The following NELL1 variants were observed in gnomAD, a reference collection of about 807,000 sequenced individuals.
NELL1 encodes protein kinase C-binding protein NELL1.
In NELL1, 76 loss-of-function variants were observed where a neutral mutation model predicts 107.4. That is an observed-to-expected ratio of 0.71 (90% CI 0.59 to 0.86). The LOEUF is 0.86. Ranked by LOEUF, NELL1 falls within the 40% of genes least tolerant of loss-of-function variation. The pLI is 0.00. For missense variants in NELL1, 1,024 were observed against 1,005.5 expected (o/e 1.02, Z -0.25); for synonymous variants, 353 against 341.2 (o/e 1.03, Z -0.38).
chr11:21,149,697 ACGTG>A (rs1156614749), intron 13 of NELL1, among the ~76,000 whole-genome samples: 1 of 152,208 alleles, frequency 6.6e-6, no homozygotes, highest in African/African-American at 2.4e-5. Context: ...TTTACTGAAT[ACGTG>A]CTGTATACCA....
intron 15 of NELL1, among the ~76,000 whole-genome samples, chr11:21,431,786 T>C (rs984488154): frequency 2.6e-5 from 4 of 152,162 alleles, no homozygotes; most frequent in Non-Finnish European, 4.4e-5. Flanking sequence ...AACCTGCTTC[T>C]ACGCTTTTTT....
intron 2 of NELL1, among the ~76,000 whole-genome samples, chr11:20,741,773 T>C (rs1364947001): frequency 6.6e-6 from 1 of 152,230 alleles, no homozygotes; most frequent in Non-Finnish European, 1.5e-5. Context: ...TGGGACCGTG[T>C]TTCCACAGAG....
At chr11:20,788,551 G>A (rs1010463113) in intron 3 of NELL1, among the ~76,000 whole-genome samples, 1 of 151,738 alleles carries the variant, frequency 6.6e-6, no homozygotes, top group Non-Finnish European at 1.5e-5. Flanking sequence ...TGGATTCTTT[G>A]TCTTTCTATC....
intron 2 of NELL1, among the ~76,000 whole-genome samples, chr11:20,727,634 C>A (rs1181331471): frequency 6.6e-6 from 1 of 152,104 alleles, no homozygotes; most frequent in Non-Finnish European, 1.5e-5. Context: ...GCTTTTGTTG[C>A]CATTGCTTTT....
chr11:20,933,390 G>C (rs1307689371), intron 9 of NELL1, among the ~76,000 whole-genome samples: 3 of 152,212 alleles, frequency 2.0e-5, no homozygotes, highest in Admixed American at 2.0e-4. Flanking sequence ...CTCACGGTGT[G>C]ATTAACAGAA....
chr11:20,694,652 G>A (rs1854567035), intron 2 of NELL1, among the ~76,000 whole-genome samples: 1 of 152,056 alleles, frequency 6.6e-6, no homozygotes, highest in Non-Finnish European at 1.5e-5. Context: ...ATACCATGCT[G>A]TTTACTGTAG....
At chr11:21,402,308 A>G (rs1332959633) in intron 15 of NELL1, among the ~76,000 whole-genome samples, 6 of 151,826 alleles carry the variant, frequency 4.0e-5, no homozygotes, top group African/African-American at 9.7e-5. Flanking sequence ...AACTTGGGAA[A>G]GAAAGTAACC....
chr11:20,711,423 G>C (rs1855110618), intron 2 of NELL1, among the ~76,000 whole-genome samples: 1 of 152,000 alleles, frequency 6.6e-6, no homozygotes, highest in South Asian at 2.1e-4. Flanking sequence ...TCATCATGTT[G>C]TTGCCTAAGT....
chr11:21,483,217 A>T (rs180710222), intron 15 of NELL1, among the ~76,000 whole-genome samples: 211 of 152,248 alleles, frequency 1.4e-3, no homozygotes, highest in African/African-American at 4.8e-3. Context: ...AAATAAGATA[A>T]AATTATCCTT....
chr11:21,516,738 CAT>C lies in NELL1; in HGVS notation c.1646-17634_1646-17633del, dbSNP rs987805580. On this transcript the variant is annotated intron_variant, in intron 15 of 19. Coordinates refer to ENST00000357134, the MANE Select transcript of NELL1 (RefSeq NM_006157.5). ...GGTCTGTCAATCACACACACACACA[CAT>C]ACACACACACACACACACACAGACA... Among the ~76,000 whole-genome samples, 19 of 142,322 alleles carry C rather than the reference CAT, an allele frequency of 1.3e-4. No individual in the cohort carries two copies. In the South Asian group the frequency reaches 1.6e-3, roughly 12 times the overall value. 93.4% of individuals were successfully genotyped at this position (142,322 alleles called of 152,430 possible). A position where few individuals can be genotyped will look rare whatever the true frequency, so the allele number is the denominator to read the frequency against.
intron 8 of NELL1, among the ~76,000 whole-genome samples, chr11:20,927,661 A>G (rs186579393): frequency 6.6e-6 from 1 of 152,332 alleles, no homozygotes; most frequent in Admixed American, 6.5e-5. Context: ...TCCCTTGCCA[A>G]CACACCCTAA....
intron 12 of NELL1, among the ~76,000 whole-genome samples, chr11:21,036,693 C>T (rs1853100718): frequency 6.6e-6 from 1 of 151,956 alleles, no homozygotes; most frequent in Admixed American, 6.6e-5. Context: ...TTCCTTTAGT[C>T]ACTGAATTCA....
At chr11:21,199,893 GGT>G (rs568376180) in intron 13 of NELL1, among the ~76,000 whole-genome samples, 56 of 151,686 alleles carry the variant, frequency 3.7e-4, no homozygotes, top group African/African-American at 1.4e-3. Context: ...GAGAACATGC[GGT>G]GTTTGGTTTT....
intron 14 of NELL1, among the ~76,000 whole-genome samples, chr11:21,247,893 A>C (rs571248722): frequency 6.6e-6 from 1 of 152,306 alleles, no homozygotes; most frequent in South Asian, 2.1e-4. Flanking sequence ...CTCCATTATA[A>C]TTTTTCAGCT....
intron 3 of NELL1, among the ~76,000 whole-genome samples, chr11:20,845,878 C>A (rs970571493): frequency 6.6e-6 from 1 of 152,054 alleles, no homozygotes; most frequent in African/African-American, 2.4e-5. Flanking sequence ...TTTTAAACCC[C>A]TTTTTAGTTT....
At chr11:21,128,110 G>A (rs1172648424) in intron 13 of NELL1, among the ~76,000 whole-genome samples, 2 of 152,120 alleles carry the variant, frequency 1.3e-5, no homozygotes, top group Non-Finnish European at 2.9e-5. Context: ...TTTGTCTGAT[G>A]TTTTCTATTT....
At chr11:20,758,895 T>A (rs949984428) in intron 2 of NELL1, among the ~76,000 whole-genome samples, 3 of 152,208 alleles carry the variant, frequency 2.0e-5, no homozygotes, top group Admixed American at 6.5e-5. Flanking sequence ...CATTTTGTTC[T>A]TCTATTTTCT....
intron 13 of NELL1, among the ~76,000 whole-genome samples, chr11:21,157,171 G>A (rs989186519): frequency 6.6e-6 from 1 of 151,808 alleles, no homozygotes; most frequent in African/African-American, 2.4e-5. Flanking sequence ...ATGTGTGTGT[G>A]TGTGTGTGTG....
At chr11:20,683,196 A>C (rs1854230065) in intron 2 of NELL1, among the ~76,000 whole-genome samples, 1 of 151,764 alleles carries the variant, frequency 6.6e-6, no homozygotes, top group South Asian at 2.1e-4. Flanking sequence ...TTGTTTTGCT[A>C]TTTAGTTTAT....
Sources: gnomAD v4.1 joint callset for allele counts (sites outside exome capture counted in the v4.1 genomes callset) on GRCh38, gnomAD v4.1.1 for gene constraint, MANE v1.5 for transcripts, NCBI Gene and HGNC (gene_info 2026-07-23, HGNC 2026-07-21) for gene names.